RFC4: variants seen among roughly 807,000 people sequenced by gnomAD.
RFC4 encodes A1 37 kDa subunit.
Under a neutral mutation model 47.6 loss-of-function variants are expected in RFC4, and 38 were observed. That is an observed-to-expected ratio of 0.80 (90% CI 0.62 to 1.05). The LOEUF (loss-of-function observed/expected upper bound fraction) is 1.05, where lower values mean the gene tolerates loss of function less well. Ranked by LOEUF, RFC4 falls within the 50% of genes least tolerant of loss-of-function variation. RFC4 has a pLI of 0.00. For synonymous variants in RFC4, 164 were observed against 150.0 expected, an observed-to-expected ratio of 1.09 and a Z score of -0.68; for missense variants, 489 against 434.0, an observed-to-expected ratio of 1.13 and a Z score of -1.13.
chr3:186,798,653 C>A (rs550192466), intron 3 of RFC4, among the ~76,000 whole-genome samples: 5 of 152,144 alleles, frequency 3.3e-5, no homozygotes, highest in South Asian at 2.1e-4. Context: ...AACAGCTTGG[C>A]ACTTTCTGGC....
At chr3:186,798,547 C>T (rs750544281) in intron 3 of RFC4, among the ~76,000 whole-genome samples, 19 of 151,968 alleles carry the variant, frequency 1.3e-4, no homozygotes, top group Non-Finnish European at 2.2e-4. Flanking sequence ...CAAAAACAAA[C>T]CAAAAAACCC....
At chr3:186,804,369 G>C (rs899363311) in intron 2 of RFC4, among the ~76,000 whole-genome samples, 1 of 151,894 alleles carries the variant, frequency 6.6e-6, no homozygotes, top group African/African-American at 2.4e-5. Context: ...AGAGATCTCA[G>C]TTTATCTACA....
chr3:186,803,342 C>CA (rs1395427691), intron 2 of RFC4, among the ~76,000 whole-genome samples: 48 of 150,914 alleles, frequency 3.2e-4, no homozygotes, highest in South Asian at 1.0e-3. Flanking sequence ...GAATCTGTCC[C>CA]AAAAAAACAA....
intron 9 of RFC4, 21 bp downstream of exon 9, chr3:186,790,305 A>AAGTT (rs761174409): frequency 7.4e-6 from 12 of 1,612,706 alleles, no homozygotes; most frequent in African/African-American, 2.7e-5. Flanking sequence ...CCTTTCCCCA[A>AAGTT]AGTTAGTAAG....
intron 8 of RFC4, 133 bp downstream of exon 8, chr3:186,791,592 C>T (rs540070499): frequency 1.2e-6 from 1 of 806,382 alleles, no homozygotes; most frequent in Non-Finnish European, 2.2e-6. Flanking sequence ...TCTGATACTC[C>T]CAGGTTATTC....
chr3:186,791,364 C>T (rs758798551), intron 8 of RFC4: 9 of 268,614 alleles, frequency 3.4e-5, no homozygotes, highest in African/African-American at 6.7e-5. Flanking sequence ...TGGCAGGTGC[C>T]TGTAATCCCA....
At chr3:186,790,086 T>C in intron 10 of RFC4, 22 bp from the exon 11 acceptor site, 2 of 1,608,650 alleles carry the variant, frequency 1.2e-6, no homozygotes, top group Non-Finnish European at 8.5e-7. Context: ...ATTTAAGAAA[T>C]TAGCATCCTT....
chr3:186,798,613 C>G (rs1722290790), intron 3 of RFC4, among the ~76,000 whole-genome samples: 2 of 152,126 alleles, frequency 1.3e-5, no homozygotes, highest in Admixed American at 1.3e-4. Context: ...ACCTCCTTCA[C>G]CTTCCAGGCT....
At position 186,793,893 on chromosome 3, in the gene RFC4, T is replaced by C. The variant is rs1398709474; in HGVS notation, c.410+765A>G. Among the ~76,000 whole-genome samples, 1 of 152,090 alleles carries C rather than the reference T, an allele frequency of 6.6e-6. No homozygotes were observed. Among genetic ancestry groups the C allele is most frequent in the Non-Finnish European group, 1.5e-5 (1 of 68,020 alleles). Reference sequence around the variant, plus strand: ...GCCCGCCACCACACCCAGCTAATTTTTTGTATTTTTAGTAGAGATGGGGTT... The same window carrying C: ...GCCCGCCACCACACCCAGCTAATTTCTTGTATTTTTAGTAGAGATGGGGTT... On this transcript the variant is annotated intron_variant, in intron 5 of 10. Coordinates refer to ENST00000296273, the MANE Select transcript of RFC4 (RefSeq NM_002916.5). This position sits in a 1 kb window ranked among gnomAD's most constrained non-coding sequence, Gnocchi z 4.2.
Position 186,806,339 on chromosome 3 carries a change from G to C in RFC4, c.-61C>G, listed in dbSNP as rs1480063464. ...GTCACCGCCGCCGGCTCGTTCCTCA[G>C]GTTTCCGCGATACAAAAAGGACGAG... On this transcript the variant is annotated 5_prime_UTR_variant, in exon 1 of 11. Coordinates refer to ENST00000296273, the MANE Select transcript of RFC4 (RefSeq NM_002916.5). The C allele has an allele frequency of 6.6e-6, 1 of 152,252 alleles. No homozygotes were observed. The highest frequency in any genetic ancestry group is 2.4e-5 in the African/African-American group (1 of 41,454). 9.4% of individuals were successfully genotyped at this position (152,252 alleles called of 1,614,324 possible).
At chr3:186,799,117 C>T (rs146698311) in intron 3 of RFC4, among the ~76,000 whole-genome samples, 201 of 152,270 alleles carry the variant, frequency 1.3e-3, no homozygotes, top group African/African-American at 4.7e-3. Context: ...AACAATGTAA[C>T]GATTCATCCA....
At chr3:186,803,034 T>C (rs1022208760) in intron 2 of RFC4, among the ~76,000 whole-genome samples, 2 of 152,148 alleles carry the variant, frequency 1.3e-5, no homozygotes, top group African/African-American at 4.8e-5. Flanking sequence ...TCATGAGGTT[T>C]ATTGGTGCCA....
intron 3 of RFC4, 57 bp from the exon 4 acceptor site, chr3:186,797,671 A>G: frequency 1.6e-6 from 2 of 1,235,738 alleles, no homozygotes; most frequent in Non-Finnish European, 2.3e-6. Context: ...ATAGATGAAA[A>G]GGAAGATCGA....
chr3:186,803,985 C>G (rs1263278573), intron 2 of RFC4, among the ~76,000 whole-genome samples: 2 of 151,966 alleles, frequency 1.3e-5, no homozygotes, highest in African/African-American at 4.8e-5. Flanking sequence ...AGTTTGCGAT[C>G]GACCTGACCA....
chr3:186,803,842 G>A (rs1452412424), intron 2 of RFC4, among the ~76,000 whole-genome samples: 2 of 151,872 alleles, frequency 1.3e-5, no homozygotes, highest in Admixed American at 1.3e-4. Context: ...CAATTTAAAT[G>A]CTAATTCAAG....
At chr3:186,798,318 G>A (rs1262976045) in intron 3 of RFC4, among the ~76,000 whole-genome samples, 3 of 152,010 alleles carry the variant, frequency 2.0e-5, no homozygotes, top group African/African-American at 4.8e-5. Context: ...ACTGATCCGT[G>A]GTGAAAATTA....
In RFC4 at chr3:186,801,365, G is replaced by A. The variant is rs3917106; in HGVS notation, c.132-170C>T. On this transcript the variant is annotated intron_variant, in intron 2 of 10. Transcript: ENST00000296273. Reference sequence around the variant, plus strand: ...GGTGGAAACCCCACTTGTTTTTACCGTAACCAAACACATTCTGAAAGAGTG... The same window carrying A: ...GGTGGAAACCCCACTTGTTTTTACCATAACCAAACACATTCTGAAAGAGTG... The A allele has an allele frequency of 1.1e-3, 641 of 599,786 alleles. 3 individuals are homozygous for A. Among genetic ancestry groups the A allele is most frequent in the African/African-American group, 0.01 (555 of 53,896 alleles). 37.2% of individuals were successfully genotyped at this position (599,786 alleles called of 1,614,324 possible). A position where few individuals can be genotyped will look rare whatever the true frequency, so the allele number is the denominator to read the frequency against.
At chr3:186,795,700 G>A (rs1048486474) in intron 4 of RFC4, among the ~76,000 whole-genome samples, 3 of 152,172 alleles carry the variant, frequency 2.0e-5, no homozygotes, top group African/African-American at 7.2e-5. Flanking sequence ...GGCTGAGGCA[G>A]GAGGATTGCT....
At chr3:186,792,643 TAAAG>T (rs1319107312) in intron 6 of RFC4, 33 bp from the exon 7 acceptor site, 4 of 1,592,522 alleles carry the variant, frequency 2.5e-6, no homozygotes, top group African/African-American at 1.4e-5. Flanking sequence ...AGTTGGTGTC[TAAAG>T]AAAGAATTTC....
Sources: gnomAD v4.1 joint callset for allele counts (sites outside exome capture counted in the v4.1 genomes callset) on GRCh38, gnomAD v4.1.1 for gene constraint, Gnocchi (gnomAD v3.1) non-coding constraint, MANE v1.5 for transcripts, NCBI Gene and HGNC (gene_info 2026-07-23, HGNC 2026-07-21) for gene names.